Variants in KMT2E observed in about 807,000 individuals in gnomAD.
KMT2E encodes histone reader KMT2E.
Under a neutral mutation model 184.6 loss-of-function variants are expected in KMT2E, and 30 were observed. The ratio of observed to expected loss-of-function variants is 0.16; its 90% CI spans 0.12 to 0.22. The LOEUF is 0.22. Ranked by LOEUF, KMT2E falls within the 10% of genes least tolerant of loss-of-function variation. KMT2E has a pLI of 1.00. For synonymous variants in KMT2E, 815 were observed against 776.5 expected, an observed-to-expected ratio of 1.05 and a Z score of -0.82; for missense variants, 2,023 against 2,237.4, an observed-to-expected ratio of 0.90 and a Z score of 1.93.
intron 5 of KMT2E, chr7:105,063,903 T>C (rs1442528234): frequency 6.7e-6 from 3 of 450,644 alleles, no homozygotes; most frequent in Non-Finnish European, 1.3e-5. Context: ...ATTTAGTCTT[T>C]TGTATTTCCT....
intron 12 of KMT2E, among the ~76,000 whole-genome samples, chr7:105,080,047 A>G (rs1027271552): frequency 2.8e-4 from 42 of 151,378 alleles, no homozygotes; most frequent in African/African-American, 8.5e-4. Flanking sequence ...GGTTCTCCCT[A>G]TGTTGTCCAG....
rs555350274 is a variant in KMT2E, at chr7:105,055,223, T to G, written c.72-6941T>G. Among the ~76,000 whole-genome samples, 324 of 150,238 alleles carry G rather than the reference T, an allele frequency of 2.2e-3. 11 individuals carry two copies. In the South Asian group the frequency reaches 0.059, roughly 27 times the overall value. ...TTTTTGTTTTTCTTTTTAGGTTTTTTTTTTTTTTTTTTTGAGATGGGGTCT... is the reference window on the plus strand; with the variant it reads ...TTTTTGTTTTTCTTTTTAGGTTTTTGTTTTTTTTTTTTTGAGATGGGGTCT... On this transcript the variant is annotated intron_variant, in intron 3 of 26. Transcript: ENST00000311117.
At chr7:105,059,978 G>GCTT (rs1796733911) in intron 3 of KMT2E, among the ~76,000 whole-genome samples, 1 of 51,764 alleles carries the variant, frequency 1.9e-5, no homozygotes. Context: ...TCTTGTTGTT[G>GCTT]TTTTTTTTTT....
Position 105,107,756 on chromosome 7 carries a change from G to A in KMT2E, c.3299G>A (p.Arg1100Gln), listed in dbSNP as rs1484541652. 6.8e-6 allele frequency: 11 copies of A among 1,613,982 alleles called. No individual in the cohort carries two copies. The highest frequency in any genetic ancestry group is 6.7e-5 in the Admixed American group (4 of 59,998). ...CAGTTGGAGGTTGGAGGAGGCTTCC[G>A]AATAAGTGAGTCAAAGTGCCTGATG... Reference protein sequence around the residue: ...SHQLEVGGGFRISESKCLMQD... With the variant: ...SHQLEVGGGFQISESKCLMQD... Residue 1100 changes from arginine to glutamine, a missense_variant, in exon 22 of 27, where the codon CGA (arginine) becomes CAA (glutamine). Around this residue, in one of 8 missense-constraint regions of KMT2E, gnomAD observed 1,108 missense variants for 1,050.9 expected, o/e 1.05. Transcript: ENST00000311117.
intron 13 of KMT2E, among the ~76,000 whole-genome samples, chr7:105,084,859 A>C (rs1164821421): frequency 6.6e-6 from 1 of 152,162 alleles, no homozygotes; most frequent in East Asian, 1.9e-4. Context: ...TTAGTTTTAA[A>C]TAGTTATGAT....
intron 12 of KMT2E, among the ~76,000 whole-genome samples, chr7:105,079,454 T>C (rs1413202153): frequency 1.3e-5 from 2 of 149,830 alleles, no homozygotes; most frequent in Non-Finnish European, 3.0e-5. Context: ...GTCTTAAAAA[T>C]TACTTTGCAC....
chr7:105,042,151 CA>C (rs1795908866), intron 3 of KMT2E, among the ~76,000 whole-genome samples: 1 of 152,040 alleles, frequency 6.6e-6, no homozygotes, highest in Admixed American at 6.6e-5. Flanking sequence ...CCACCACACC[CA>C]GCTAATTTTT....
intron 1 of KMT2E, among the ~76,000 whole-genome samples, chr7:105,029,100 A>T (rs1047094713): frequency 6.6e-6 from 1 of 152,078 alleles, no homozygotes; most frequent in African/African-American, 2.4e-5. Flanking sequence ...CCCCGTCTCT[A>T]CTAAAATACA....
chr7:105,083,252 G>T (rs1036434423), intron 13 of KMT2E, among the ~76,000 whole-genome samples: 1 of 152,096 alleles, frequency 6.6e-6, no homozygotes, highest in Non-Finnish European at 1.5e-5. Context: ...TCTCTTTCAG[G>T]GTTCTGTTCC....
At position 105,110,780 on chromosome 7, in the gene KMT2E, C is replaced by T; in HGVS notation, c.3980C>T (p.Pro1327Leu). 6.2e-7 allele frequency: 1 copy of T among 1,613,720 alleles called. No homozygotes were observed. Among genetic ancestry groups the T allele is most frequent in the Non-Finnish European group, 8.5e-7 (1 of 1,179,648 alleles). Residue 1327 changes from proline (P) to leucine (L), a missense_variant, in exon 26 of 27, where the codon CCT (proline) becomes CTT (leucine). By Grantham distance (98) the Pro-to-Leu change is moderately conservative. This residue lies in a region of KMT2E where 1,108 missense variants were observed against 1,050.9 expected (regional missense o/e 1.05). Transcript: ENST00000311117. The part of the protein sequence containing the change: ...SFSELMEDPD[P>L]ENPEPTTTNE... ...TTCTTCTGCTTTATAGACCCTGATC[C>T]TGAAAATCCAGAACCCACAACTACG...
At chr7:105,065,995 A>G (rs1216323976) in intron 5 of KMT2E, among the ~76,000 whole-genome samples, 1 of 152,152 alleles carries the variant, frequency 6.6e-6, no homozygotes, top group Admixed American at 6.6e-5. Context: ...TCCTCATAGA[A>G]TGCCTCTTAC....
At chr7:105,033,763 T>C (rs1213048118) in intron 1 of KMT2E, among the ~76,000 whole-genome samples, 1 of 152,140 alleles carries the variant, frequency 6.6e-6, no homozygotes, top group African/African-American at 2.4e-5. Flanking sequence ...CCTCCCAAAG[T>C]GCTGGGATTA....
At chr7:105,103,290 A>T (rs1798737911) in intron 17 of KMT2E, 1 of 152,168 alleles carries the variant, frequency 6.6e-6, no homozygotes, top group Non-Finnish European at 1.5e-5. Flanking sequence ...ATCCTATCTG[A>T]TTCTCTTAAA....
chr7:105,102,287 A>ATT, intron 17 of KMT2E, 93 bp downstream of exon 17: 2 of 1,048,572 alleles, frequency 1.9e-6, no homozygotes, highest in Non-Finnish European at 1.3e-6. Context: ...AAGACCTCAT[A>ATT]ATAATAAGAG....
intron 6 of KMT2E, among the ~76,000 whole-genome samples, 175 bp from the exon 7 acceptor site, chr7:105,073,444 C>G (rs1294780468): frequency 1.3e-5 from 2 of 150,290 alleles, no homozygotes; most frequent in South Asian, 2.1e-4. Flanking sequence ...AGTCATCTAT[C>G]TGGCATCTAC....
chr7:105,109,960 C>G (rs754416971), intron 23 of KMT2E, among the ~76,000 whole-genome samples: 1 of 151,500 alleles, frequency 6.6e-6, no homozygotes, highest in African/African-American at 2.4e-5. Context: ...TCTCCTGCCT[C>G]AGCTTCCCGA....
At chr7:105,090,521 T>C (rs950745937) in intron 14 of KMT2E, among the ~76,000 whole-genome samples, 1 of 152,204 alleles carries the variant, frequency 6.6e-6, no homozygotes, top group South Asian at 2.1e-4. Context: ...TAAGACTAGA[T>C]AACTTTTAAA....
At chr7:105,078,071 T>C (rs1202683062) in intron 11 of KMT2E, among the ~76,000 whole-genome samples, 5 of 152,226 alleles carry the variant, frequency 3.3e-5, no homozygotes, top group Non-Finnish European at 7.3e-5. Flanking sequence ...CCTACAATTA[T>C]CAAAAACATT....
intron 12 of KMT2E, 30 bp downstream of exon 12, chr7:105,078,993 G>T (rs1233366992): frequency 8.3e-7 from 1 of 1,201,294 alleles, no homozygotes; most frequent in Non-Finnish European, 1.2e-6. Flanking sequence ...TTGGGGAGAT[G>T]TGGGTGCTGG....
Sources: gnomAD v4.1 joint callset for allele counts (sites outside exome capture counted in the v4.1 genomes callset) on GRCh38, gnomAD v4.1.1 for gene constraint, gnomAD v4.1.1 regional missense constraint, MANE v1.5 for transcripts, NCBI Gene and HGNC (gene_info 2026-07-23, HGNC 2026-07-21) for gene names.